SNRNP70: variants seen among roughly 807,000 people sequenced by gnomAD.
SNRNP70 encodes small nuclear ribonucleoprotein U1 subunit 70, also known as U1 small nuclear ribonucleoprotein 70 kDa.
SNRNP70 carries 8 observed loss-of-function variants against 50.5 expected under a neutral mutation model. The observed-to-expected ratio is 0.16, with a 90% CI of 0.09 to 0.29. SNRNP70 has a LOEUF of 0.29. Among genes scored for constraint, SNRNP70 ranks in the 10% least tolerant of loss-of-function variants. The pLI is 1.00. For synonymous variants in SNRNP70, 320 were observed against 252.9 expected, an observed-to-expected ratio of 1.27 and a Z score of -2.52; for missense variants, 529 against 663.5, an observed-to-expected ratio of 0.80 and a Z score of 2.23.
chr19:49,090,111 G>A (rs1257732762), intron 2 of SNRNP70, among the ~76,000 whole-genome samples, 180 bp from the exon 3 acceptor site: 7 of 151,756 alleles, frequency 4.6e-5, no homozygotes, highest in Admixed American at 4.6e-4. Context: ...GTGCGTGGCT[G>A]CAGACCTTGC....
intron 4 of SNRNP70, among the ~76,000 whole-genome samples, chr19:49,094,538 A>C (rs2040488971): frequency 6.6e-6 from 1 of 152,196 alleles, no homozygotes; most frequent in Admixed American, 6.5e-5. Flanking sequence ...GGGATGAAAC[A>C]AGTCCGTCCA....
rs191905556 is a variant in SNRNP70, at chr19:49,086,326, T to C, written c.-10-79T>C. 877 of 1,447,786 alleles carry C rather than the reference T, an allele frequency of 6.1e-4. 4 individuals carry two copies. In the African/African-American group the frequency reaches 0.011, roughly 19 times the overall value. 89.7% of individuals were successfully genotyped at this position (1,447,786 alleles called of 1,614,324 possible). On this transcript the variant is annotated intron_variant, in intron 1 of 9. Coordinates refer to ENST00000598441, the MANE Select transcript of SNRNP70 (RefSeq NM_003089.6). ...CGAGACTTTTCTCCTGTCTTTCTTA[T>C]TTTGAGAGTCAAGGAGTAACAGGGG... is the stretch of plus-strand genomic sequence containing the variant.
chr19:49,091,324 G>A (rs1219392572), intron 4 of SNRNP70, among the ~76,000 whole-genome samples: 2 of 151,462 alleles, frequency 1.3e-5, no homozygotes, highest in East Asian at 1.9e-4. Context: ...AGCCGGGATC[G>A]CGTCGGCTCA....
chr19:49,086,182 C>T (rs1182135230), intron 1 of SNRNP70, among the ~76,000 whole-genome samples: 1 of 152,186 alleles, frequency 6.6e-6, no homozygotes, highest in African/African-American at 2.4e-5. Flanking sequence ...TTCAGGAACC[C>T]TTTTCCAGCC....
intron 4 of SNRNP70, among the ~76,000 whole-genome samples, chr19:49,090,923 C>G (rs2040439589): frequency 6.6e-6 from 1 of 152,134 alleles, no homozygotes; most frequent in South Asian, 2.1e-4. Flanking sequence ...GAGTACAAGA[C>G]AGGTGTGTTG....
At chr19:49,089,463 C>G (rs1332903842) in intron 2 of SNRNP70, among the ~76,000 whole-genome samples, 1 of 151,340 alleles carries the variant, frequency 6.6e-6, no homozygotes, top group Non-Finnish European at 1.5e-5. Flanking sequence ...GGCAACAGAC[C>G]ACAACTTCGT....
intron 4 of SNRNP70, among the ~76,000 whole-genome samples, chr19:49,091,544 C>T (rs2040447433): frequency 6.6e-6 from 1 of 152,124 alleles, no homozygotes; most frequent in Admixed American, 6.6e-5. Flanking sequence ...GTTAGGTATG[C>T]TGTCTAGGCT....
rs538206024 is a variant in SNRNP70, at chr19:49,104,307, G to A, written c.476-327G>A. 7.1e-4 allele frequency: 208 copies of A among 292,164 alleles called. 2 individuals are homozygous for A. Among genetic ancestry groups the A allele is most frequent in the African/African-American group, 4.1e-3 (186 of 45,324 alleles). The allele number at this position is 292,164 out of a possible 1,614,324, so 18.1% of individuals were successfully genotyped here. A position where few individuals can be genotyped will look rare whatever the true frequency, so the allele number is the denominator to read the frequency against. Reference sequence around the variant, plus strand: ...AGTTAACCTTCAGTTTCTTTGCAGCGATTTTGGCCGCCCTGGCGGGAGGGG... The same window carrying A: ...AGTTAACCTTCAGTTTCTTTGCAGCAATTTTGGCCGCCCTGGCGGGAGGGG... On this transcript the variant is annotated intron_variant, in intron 7 of 9. Coordinates refer to ENST00000598441, the MANE Select transcript of SNRNP70 (RefSeq NM_003089.6). This position sits in a 1 kb window ranked among gnomAD's most constrained non-coding sequence, Gnocchi z 5.4.
rs1469791705 is a variant in SNRNP70 at position 49,108,222 on chromosome 19, CGCCGGG to C, written c.1094_1099del (p.Arg365_Asp367delinsHis). 2.6e-6 allele frequency: 4 copies of C among 1,532,078 alleles called. No individual in the cohort carries two copies. The highest frequency in any genetic ancestry group is 3.5e-6 in the Non-Finnish European group (4 of 1,138,484). The allele number at this position is 1,532,078 out of a possible 1,614,324, so 94.9% of individuals were successfully genotyped here. On this transcript the variant is annotated inframe_deletion, in exon 10 of 10. Transcript: ENST00000598441. ...GAGCCACCGGAGCGAGCGCGAGCGGCGCCGGGACCGGGATCGTGACCGTGACCGTGA... is the reference window on the plus strand; with the variant it reads ...GAGCCACCGGAGCGAGCGCGAGCGGCACCGGGATCGTGACCGTGACCGTGA...
At position 49,086,579 on chromosome 19, in the gene SNRNP70, G is replaced by A. The variant is rs1906967546; in HGVS notation, c.147+18G>A. 6.2e-7 allele frequency: 1 copy of A among 1,612,472 alleles called. No homozygotes were observed. The highest frequency in any genetic ancestry group is 1.1e-5 in the South Asian group (1 of 90,900). ...AGTTTGAGGTGAGTTCACTGAGCAG[G>A]CCAGGAATGGTTTGGGTTCTGGGGA... On this transcript the variant is annotated intron_variant, in intron 2 of 9. Coordinates refer to ENST00000598441, the MANE Select transcript of SNRNP70 (RefSeq NM_003089.6).
chr19:49,093,282 C>G (rs2040470740), intron 4 of SNRNP70, among the ~76,000 whole-genome samples: 1 of 151,724 alleles, frequency 6.6e-6, no homozygotes, highest in Admixed American at 6.6e-5. Flanking sequence ...GACAGGGTTT[C>G]TCCATGTTGG....
chr19:49,107,833 G>T lies in SNRNP70; in HGVS notation c.704G>T (p.Arg235Leu). The change falls in exon 10 of 10, where the codon CGG (arginine) becomes CTG (leucine). Residue 235 changes from arginine (R) to leucine (L), a missense_variant. Physicochemically the swap from Arg to Leu is moderately radical, Grantham distance 102 (BLOSUM62 -2). Coordinates refer to ENST00000598441, the MANE Select transcript of SNRNP70 (RefSeq NM_003089.6). This position sits in a 1 kb window ranked among gnomAD's most constrained non-coding sequence, Gnocchi z 6.0. The part of the protein sequence containing the change: ...PSPLPHRDRD[R>L]DRERERRERS... ...CCGCTTCCGCACAGGGACCGGGACC[G>T]GGACCGTGAGCGGGAGCGCAGAGAG... 1 of 1,582,778 alleles carries T rather than the reference G, an allele frequency of 6.3e-7. No individual in the cohort carries two copies. Among genetic ancestry groups the T allele is most frequent in the East Asian group, 2.3e-5 (1 of 43,152 alleles).
intron 8 of SNRNP70, among the ~76,000 whole-genome samples, chr19:49,106,129 G>C (rs1027265301): frequency 1.3e-5 from 2 of 152,144 alleles, no homozygotes; most frequent in African/African-American, 4.8e-5. Flanking sequence ...GGGAGACCAC[G>C]CTCTCAGCTG....
intron 2 of SNRNP70, among the ~76,000 whole-genome samples, chr19:49,087,975 C>T (rs1427013605): frequency 1.3e-5 from 2 of 152,002 alleles, no homozygotes; most frequent in Non-Finnish European, 2.9e-5. Context: ...TTTTAGCCAA[C>T]TGCAGCCTCC....
intron 3 of SNRNP70, 47 bp from the exon 4 acceptor site, chr19:49,090,419 G>T (rs1424042356): frequency 6.2e-7 from 1 of 1,612,624 alleles, no homozygotes; most frequent in Non-Finnish European, 8.5e-7. Context: ...TGACACTAGG[G>T]CACTTCTATC....
intron 2 of SNRNP70, among the ~76,000 whole-genome samples, chr19:49,087,240 T>G (rs137951944): frequency 6.8e-6 from 1 of 148,082 alleles, no homozygotes; most frequent in East Asian, 2.0e-4. Flanking sequence ...TTTGTGAAAA[T>G]TCAGTGAGTA....
At chr19:49,105,416 G>T (rs1307375976) in intron 8 of SNRNP70, among the ~76,000 whole-genome samples, 1 of 152,114 alleles carries the variant, frequency 6.6e-6, no homozygotes, top group Admixed American at 6.5e-5. Context: ...CTGAGAACCT[G>T]GTAGCTGACG....
At chr19:49,093,347 A>G (rs1354978646) in intron 4 of SNRNP70, among the ~76,000 whole-genome samples, 3 of 151,828 alleles carry the variant, frequency 2.0e-5, no homozygotes. Context: ...CGGTCTCCCA[A>G]AGTGCTGGGA....
At chr19:49,106,395 G>A (rs1012949264) in intron 8 of SNRNP70, among the ~76,000 whole-genome samples, 2 of 152,198 alleles carry the variant, frequency 1.3e-5, no homozygotes, top group Non-Finnish European at 2.9e-5. Context: ...TATGTAGTAA[G>A]TATATAGTTG....
Sources: gnomAD v4.1 joint callset for allele counts (sites outside exome capture counted in the v4.1 genomes callset) on GRCh38, gnomAD v4.1.1 for gene constraint, Gnocchi (gnomAD v3.1) non-coding constraint, MANE v1.5 for transcripts, NCBI Gene and HGNC (gene_info 2026-07-23, HGNC 2026-07-21) for gene names.